Variants in MAGI3 observed in about 807,000 individuals in gnomAD.
MAGI3 encodes the protein membrane associated guanylate kinase, WW and PDZ domain containing 3.
A neutral mutation model predicts 121.8 loss-of-function variants in MAGI3; 43 were observed. That is an observed-to-expected ratio of 0.35 (90% CI 0.28 to 0.46). MAGI3 has a LOEUF of 0.46. Ranked by LOEUF, MAGI3 falls within the 20% of genes least tolerant of loss-of-function variation. MAGI3 has a pLI of 1.00. For synonymous variants in MAGI3, 553 were observed against 639.3 expected, an observed-to-expected ratio of 0.86 and a Z score of 2.04; for missense variants, 1,547 against 1,797.3, an observed-to-expected ratio of 0.86 and a Z score of 2.52.
intron 9 of MAGI3, among the ~76,000 whole-genome samples, chr1:113,633,124 C>G (rs1402513595): frequency 7.0e-6 from 1 of 142,158 alleles, no homozygotes. Flanking sequence ...TCATTCTTCA[C>G]TTCCCACCTA....
chr1:113,441,733 C>A (rs563985905), intron 1 of MAGI3, among the ~76,000 whole-genome samples: 8 of 152,240 alleles, frequency 5.3e-5, no homozygotes, highest in Non-Finnish European at 2.9e-5. Flanking sequence ...AAGCTAAGGA[C>A]ATGGATAATT....
intron 14 of MAGI3, among the ~76,000 whole-genome samples, chr1:113,651,415 T>C (rs1653157179): frequency 1.3e-5 from 2 of 152,236 alleles, no homozygotes; most frequent in Non-Finnish European, 2.9e-5. Flanking sequence ...TTTGGGCTTC[T>C]ATATTAAGAT....
chr1:113,534,418 G>A (rs540677012), intron 1 of MAGI3, among the ~76,000 whole-genome samples: 27 of 152,014 alleles, frequency 1.8e-4, no homozygotes, highest in African/African-American at 6.5e-4. Flanking sequence ...AATCCCTTGC[G>A]GCCTTGCCTT....
At chr1:113,434,549 G>A (rs1193519319) in intron 1 of MAGI3, among the ~76,000 whole-genome samples, 1 of 152,176 alleles carries the variant, frequency 6.6e-6, no homozygotes, top group African/African-American at 2.4e-5. Context: ...TTCAAGGGAT[G>A]GAACAAGACC....
Position 113,588,852 on chromosome 1 carries a change from A to G in MAGI3, c.764-1632A>G, listed in dbSNP as rs1441106393. Among the ~76,000 whole-genome samples the G allele has an allele frequency of 3.3e-5, 5 of 152,166 alleles. No homozygotes were observed. The South Asian group carries it at 1.0e-3, about 31-fold the overall frequency. On this transcript the variant is annotated intron_variant, in intron 4 of 20. Transcript: ENST00000307546. ...GAGGTAGCAAATATAAACTCTTTCA[A>G]GGTGGTTTGGTGTAAAGAGGAGAGA...
chr1:113,597,335 A>G (rs1388178773), intron 6 of MAGI3, among the ~76,000 whole-genome samples: 1 of 152,208 alleles, frequency 6.6e-6, no homozygotes, highest in African/African-American at 2.4e-5. Flanking sequence ...TTAACTGTTA[A>G]CAGCATGAGG....
At chr1:113,485,113 G>A (rs549899779) in intron 1 of MAGI3, among the ~76,000 whole-genome samples, 46 of 152,206 alleles carry the variant, frequency 3.0e-4, no homozygotes, top group Non-Finnish European at 5.7e-4. Context: ...CAAATTGTGC[G>A]CTATAAACAT....
rs143284115 is a variant in MAGI3 at position 113,506,735 on chromosome 1, T to C, written c.317-42780T>C. 2.9e-3 allele frequency among the ~76,000 whole-genome samples: 444 copies of C among 152,262 alleles called. 3 individuals are homozygous for C. The highest frequency in any genetic ancestry group is 0.01 in the African/African-American group (427 of 41,552). ...CAAAGGTAGCTTATAGGAAGAAGTA[T>C]AGGCTTCCTGCCTTAAGGGTACCAC... On this transcript the variant is annotated intron_variant, in intron 1 of 20. Transcript: ENST00000307546.
intron 11 of MAGI3, among the ~76,000 whole-genome samples, chr1:113,645,182 C>T (rs192609616): frequency 6.4e-4 from 98 of 152,158 alleles, no homozygotes; most frequent in African/African-American, 2.2e-3. Flanking sequence ...CGCCACCACA[C>T]GCAGCTAATT....
At chr1:113,463,120 A>G (rs910261163) in intron 1 of MAGI3, among the ~76,000 whole-genome samples, 1 of 152,110 alleles carries the variant, frequency 6.6e-6, no homozygotes, top group Non-Finnish European at 1.5e-5. Flanking sequence ...ACAAATCTCC[A>G]GTCTAGTGGT....
chr1:113,411,995 G>T lies in MAGI3; in HGVS notation c.316+20646G>T, dbSNP rs183869637. On this transcript the variant is annotated intron_variant, in intron 1 of 20. Transcript: ENST00000307546. ...ACCCATCAACTCGTATTTACATTAG[G>T]TATTTCTCCTAATGCTATCCCTCTC... Among the ~76,000 whole-genome samples the T allele has an allele frequency of 1.6e-3, 237 of 151,814 alleles. 1 individual carries two copies. Among genetic ancestry groups the T allele is most frequent in the East Asian group, 5.4e-3 (28 of 5,156 alleles).
chr1:113,653,519 C>T (rs1653290626), intron 14 of MAGI3, among the ~76,000 whole-genome samples: 1 of 151,928 alleles, frequency 6.6e-6, no homozygotes, highest in South Asian at 2.1e-4. Flanking sequence ...TTGCAATGAG[C>T]CGAGATCGCG....
At chr1:113,433,601 T>C (rs147793212) in intron 1 of MAGI3, among the ~76,000 whole-genome samples, 16 of 152,330 alleles carry the variant, frequency 1.1e-4, no homozygotes, top group African/African-American at 3.6e-4. Flanking sequence ...TCATTGATAT[T>C]TAGTGACCAG....
intron 1 of MAGI3, among the ~76,000 whole-genome samples, chr1:113,425,574 G>A (rs1477634274): frequency 6.6e-6 from 1 of 151,956 alleles, no homozygotes; most frequent in East Asian, 1.9e-4. Context: ...GTGAGCTACT[G>A]CACCCAGCCT....
At position 113,449,013 on chromosome 1, in the gene MAGI3, G is replaced by A. The variant is rs147991140; in HGVS notation, c.316+57664G>A. Among the ~76,000 whole-genome samples, 443 of 151,908 alleles carry A rather than the reference G, an allele frequency of 2.9e-3. 1 individual carries two copies. Among genetic ancestry groups the A allele is most frequent in the African/African-American group, 0.01 (432 of 41,422 alleles). On this transcript the variant is annotated intron_variant, in intron 1 of 20. Coordinates refer to ENST00000307546, the MANE Select transcript of MAGI3 (RefSeq NM_001142782.2). ...CATGCCTGTAATCCCAGCTACCTGA[G>A]AGGCTGAGGCAGGGAAATTGCTTGA...
intron 1 of MAGI3, among the ~76,000 whole-genome samples, chr1:113,513,614 A>G (rs535463076): frequency 0.023 from 3,528 of 152,246 alleles, 132 homozygotes; most frequent in African/African-American, 0.08. Flanking sequence ...CACACCTTAT[A>G]CAAAAATTAA....
intron 3 of MAGI3, among the ~76,000 whole-genome samples, chr1:113,583,587 T>TATA (rs1648175250): frequency 6.6e-6 from 1 of 152,158 alleles, no homozygotes; most frequent in Non-Finnish European, 1.5e-5. Context: ...ATATCCAGTT[T>TATA]CCTTGATACT....
chr1:113,636,332 T>C (rs971471382), intron 9 of MAGI3, among the ~76,000 whole-genome samples: 2 of 152,252 alleles, frequency 1.3e-5, no homozygotes, highest in Non-Finnish European at 2.9e-5. Flanking sequence ...GGTGTCAATT[T>C]TGGATCTTTC....
At chr1:113,531,782 G>A (rs1046018052) in intron 1 of MAGI3, among the ~76,000 whole-genome samples, 1 of 152,032 alleles carries the variant, frequency 6.6e-6, no homozygotes, top group Non-Finnish European at 1.5e-5. Flanking sequence ...TACTCAACAT[G>A]ATACACAACA....
Sources: allele counts gnomAD v4.1 joint callset (sites outside exome capture counted in the v4.1 genomes callset), GRCh38; gene constraint gnomAD v4.1.1; transcripts MANE v1.5; gene names NCBI Gene and HGNC (gene_info 2026-07-23, HGNC 2026-07-21).